Variants in PEX7 observed in about 807,000 individuals in gnomAD.
PEX7 encodes PTS2 receptor.
PEX7 carries 34 observed loss-of-function variants against 47.5 expected under a neutral mutation model. That is an observed-to-expected ratio of 0.72 (90% CI 0.54 to 0.95). The LOEUF is 0.95. Among genes scored for constraint, PEX7 ranks in the 40% least tolerant of loss-of-function variants. The pLI is 0.00. For synonymous variants in PEX7, 141 were observed against 148.8 expected (o/e 0.95, Z 0.38); for missense variants, 394 against 400.3 (o/e 0.98, Z 0.13).
intron 8 of PEX7, among the ~76,000 whole-genome samples, chr6:136,877,954 T>G (rs1224028532): frequency 6.6e-6 from 1 of 152,204 alleles, no homozygotes; most frequent in African/African-American, 2.4e-5. Context: ...TGTTTTTCCA[T>G]TTGTTTGTGT....
intron 5 of PEX7, among the ~76,000 whole-genome samples, chr6:136,850,538 T>A (rs1187217529): frequency 6.6e-6 from 1 of 152,138 alleles, no homozygotes; most frequent in African/African-American, 2.4e-5. Flanking sequence ...TTCATCAACC[T>A]CTTGACAAGA....
Position 136,822,801 on chromosome 6 carries a change from G to C in PEX7, c.130+6G>C, listed in dbSNP as rs1299374519. On this transcript the variant is annotated splice_donor_region_variant and intron_variant, in intron 1 of 9. Coordinates refer to ENST00000318471, the MANE Select transcript of PEX7 (RefSeq NM_000288.4). The stretch of plus-strand genomic sequence containing the variant: ...GCAGCACTACGGCATCGCGGGTGAG[G>C]CGGCGCCGCGCAGCTGGGGCCGGGG... 2 of 1,290,822 alleles carry C rather than the reference G, an allele frequency of 1.5e-6. No individual in the cohort carries two copies. Among genetic ancestry groups the C allele is most frequent in the African/African-American group, 3.1e-5 (2 of 64,182 alleles). 80.0% of individuals were successfully genotyped at this position (1,290,822 alleles called of 1,614,324 possible).
At chr6:136,907,378 A>G (rs1033507583) in intron 9 of PEX7, among the ~76,000 whole-genome samples, 5 of 152,134 alleles carry the variant, frequency 3.3e-5, no homozygotes, top group African/African-American at 7.2e-5. Flanking sequence ...GTCACTTTCT[A>G]TTGTAAGCTG....
intron 8 of PEX7, among the ~76,000 whole-genome samples, chr6:136,872,734 G>C (rs1775204474): frequency 6.6e-6 from 1 of 152,094 alleles, no homozygotes; most frequent in African/African-American, 2.4e-5. Context: ...GTGTGTGTGG[G>C]TGTGGGTCTC....
intron 8 of PEX7, among the ~76,000 whole-genome samples, chr6:136,897,935 G>GTT (rs933495388): frequency 6.8e-6 from 1 of 146,872 alleles, no homozygotes; most frequent in South Asian, 2.2e-4. Flanking sequence ...TTGATGTAGG[G>GTT]TTTTTTTTTT....
At chr6:136,853,739 A>T (rs1361644762) in intron 5 of PEX7, among the ~76,000 whole-genome samples, 1 of 152,156 alleles carries the variant, frequency 6.6e-6, no homozygotes. Flanking sequence ...GAGGTGAAAG[A>T]TTATGTAATT....
intron 5 of PEX7, among the ~76,000 whole-genome samples, chr6:136,861,579 G>T (rs773996417): frequency 4.0e-5 from 6 of 150,620 alleles, no homozygotes; most frequent in Non-Finnish European, 7.4e-5. Flanking sequence ...TAATTAAATG[G>T]TTTTTTTTTA....
At chr6:136,830,412 T>TA (rs767403791) in intron 3 of PEX7, among the ~76,000 whole-genome samples, 16 of 152,320 alleles carry the variant, frequency 1.1e-4, no homozygotes, top group Non-Finnish European at 2.2e-4. Flanking sequence ...AAGATTTAGA[T>TA]ATATTTTAGG....
chr6:136,896,874 G>A (rs908186120), intron 8 of PEX7, among the ~76,000 whole-genome samples: 6 of 151,922 alleles, frequency 3.9e-5, no homozygotes, highest in East Asian at 1.9e-4. Context: ...CAACATTATC[G>A]GGACCCAGAA....
intron 9 of PEX7, among the ~76,000 whole-genome samples, chr6:136,907,033 T>C (rs1249164594): frequency 6.6e-6 from 1 of 152,184 alleles, no homozygotes; most frequent in Non-Finnish European, 1.5e-5. Context: ...CATTTTGTTA[T>C]TTGTCATATC....
At chr6:136,854,814 T>C (rs1774829119) in intron 5 of PEX7, among the ~76,000 whole-genome samples, 1 of 152,188 alleles carries the variant, frequency 6.6e-6, no homozygotes, top group Non-Finnish European at 1.5e-5. Context: ...AGGCCAGGCA[T>C]GGTGGCTCAC....
intron 8 of PEX7, among the ~76,000 whole-genome samples, chr6:136,895,089 G>A (rs1361112568): frequency 6.6e-6 from 1 of 152,044 alleles, no homozygotes; most frequent in Non-Finnish European, 1.5e-5. Context: ...GAGAAAACTT[G>A]GAGAAACACC....
At chr6:136,823,465 G>A in intron 1 of PEX7, 2 of 542,958 alleles carry the variant, frequency 3.7e-6, no homozygotes, top group Non-Finnish European at 4.7e-6. Flanking sequence ...GGCTGAGGCG[G>A]GAGGATCGCT....
At chr6:136,894,127 T>C (rs1775602931) in intron 8 of PEX7, among the ~76,000 whole-genome samples, 1 of 152,100 alleles carries the variant, frequency 6.6e-6, no homozygotes, top group Non-Finnish European at 1.5e-5. Flanking sequence ...GCCAGGAGTT[T>C]GAGGCTGCAG....
Position 136,866,606 on chromosome 6 carries a change from TCAAG to T in PEX7, c.527-20_527-17del. The T allele has an allele frequency of 6.3e-7, 1 of 1,595,884 alleles. No homozygotes were observed. ...ATTCAAGTGGTGTGATGGGAAATGATCAAGTCTTCCTTTTTACTAGGTGATCAGA... is the reference window on the plus strand; with the variant it reads ...ATTCAAGTGGTGTGATGGGAAATGATTCTTCCTTTTTACTAGGTGATCAGA... On this transcript the variant is annotated splice_polypyrimidine_tract_variant and intron_variant, in intron 5 of 9. Transcript: ENST00000318471.
At chr6:136,836,918 C>T (rs1774395504) in intron 3 of PEX7, among the ~76,000 whole-genome samples, 1 of 152,080 alleles carries the variant, frequency 6.6e-6, no homozygotes, top group Non-Finnish European at 1.5e-5. Flanking sequence ...TGCCACTGCA[C>T]TCCAGCCTGG....
At position 136,900,016 on chromosome 6, in the gene PEX7, C is replaced by T. The variant is rs1455741375; in HGVS notation, c.903+1775C>T. On this transcript the variant is annotated intron_variant, in intron 9 of 9. Transcript: ENST00000318471. The surrounding 1 kb of genome is among the most constrained non-coding windows in gnomAD (Gnocchi z 4.2). ...AAGTAAATATTCATTCAATCCTCAT[C>T]CTTATATATTTCTATTACCTGTCCT... Among the ~76,000 whole-genome samples the T allele has an allele frequency of 6.6e-6, 1 of 152,222 alleles. No homozygotes were observed. Among genetic ancestry groups the T allele is most frequent in the East Asian group, 1.9e-4 (1 of 5,200 alleles).
chr6:136,883,722 C>T (rs1775419077), intron 8 of PEX7, among the ~76,000 whole-genome samples: 1 of 152,164 alleles, frequency 6.6e-6, no homozygotes, highest in Non-Finnish European at 1.5e-5. Context: ...TGGACACAGG[C>T]ACCTGAGTGT....
intron 8 of PEX7, among the ~76,000 whole-genome samples, chr6:136,887,043 T>C (rs377041509): frequency 4.0e-4 from 61 of 151,950 alleles, no homozygotes; most frequent in African/African-American, 1.3e-3. Context: ...TGAGACCCTG[T>C]CTTGAAAAAA....
Sources: gnomAD v4.1 joint callset for allele counts (sites outside exome capture counted in the v4.1 genomes callset) on GRCh38, gnomAD v4.1.1 for gene constraint, Gnocchi (gnomAD v3.1) non-coding constraint, MANE v1.5 for transcripts, NCBI Gene and HGNC (gene_info 2026-07-23, HGNC 2026-07-21) for gene names.